SUGCT: variants seen among roughly 807,000 people sequenced by gnomAD.
SUGCT encodes the protein succinyl-CoA:glutarate-CoA transferase.
In SUGCT, 41 loss-of-function variants were observed where a neutral mutation model predicts 55.0. That is an observed-to-expected ratio of 0.74 (90% CI 0.58 to 0.97). The LOEUF is 0.97. Ranked by LOEUF, SUGCT falls within the 50% of genes least tolerant of loss-of-function variation. SUGCT has a pLI of 0.00. For missense variants in SUGCT, 568 were observed against 547.8 expected (o/e 1.04, Z -0.37); for synonymous variants, 187 against 200.4 (o/e 0.93, Z 0.56).
chr7:40,757,035 C>T (rs1194321987), intron 13 of SUGCT, among the ~76,000 whole-genome samples: 2 of 152,120 alleles, frequency 1.3e-5, no homozygotes, highest in East Asian at 1.9e-4. Flanking sequence ...AAATCCTTAA[C>T]CCATGGCAGG....
chr7:41,016,406 G>A, the SUGCT span, among the ~76,000 whole-genome samples: 1 of 151,962 alleles, frequency 6.6e-6, no homozygotes, highest in Non-Finnish European at 1.5e-5. Context: ...CATCCAGGAG[G>A]GACTTGCCAA....
intron 9 of SUGCT, among the ~76,000 whole-genome samples, chr7:40,378,140 C>T (rs1179227953): frequency 6.6e-6 from 1 of 151,610 alleles, no homozygotes; most frequent in Non-Finnish European, 1.5e-5. Flanking sequence ...AAAGATGGTA[C>T]ATTTGGCTGT....
chr7:40,281,157 T>C (rs1026486329), intron 8 of SUGCT, among the ~76,000 whole-genome samples: 5 of 152,348 alleles, frequency 3.3e-5, no homozygotes, highest in Middle Eastern at 3.4e-3. Flanking sequence ...TGTGTACCCC[T>C]AAAGTCTTGT....
At chr7:40,247,400 C>T (rs979808980) in intron 7 of SUGCT, among the ~76,000 whole-genome samples, 4 of 152,096 alleles carry the variant, frequency 2.6e-5, no homozygotes, top group Admixed American at 6.6e-5. Context: ...GGATCACAGG[C>T]ACCCACCACC....
Position 40,519,629 on chromosome 7 carries a change from C to G in SUGCT, c.1089+23243C>G, listed in dbSNP as rs147032460. On this transcript the variant is annotated intron_variant, in intron 12 of 13. Coordinates refer to ENST00000335693, the MANE Select transcript of SUGCT (RefSeq NM_001193313.2). ...TTGACATTATATGTCTGAATTAAAT[C>G]TCTGAAATAAATTGCCAGGAGAATA... Among the ~76,000 whole-genome samples, 470 of 151,948 alleles carry G rather than the reference C, an allele frequency of 3.1e-3. 7 individuals carry two copies. The highest frequency in any genetic ancestry group is 0.03 in the East Asian group (154 of 5,176).
chr7:40,929,151 C>A, the SUGCT span, among the ~76,000 whole-genome samples: 1 of 151,968 alleles, frequency 6.6e-6, no homozygotes, highest in African/African-American at 2.4e-5. Context: ...TCAATTCCCA[C>A]CTATGAGTGA....
In SUGCT at chr7:40,518,782, G is replaced by A. The variant is rs116004109; in HGVS notation, c.1089+22396G>A. The stretch of plus-strand genomic sequence containing the variant: ...GTGCCAGAAAAGTCAAAAATATATA[G>A]GAGCTAACCAAAAAGAACTCCCAAT... On this transcript the variant is annotated intron_variant, in intron 12 of 13. Coordinates refer to ENST00000335693, the MANE Select transcript of SUGCT (RefSeq NM_001193313.2). Among the ~76,000 whole-genome samples, 272 of 151,862 alleles carry A rather than the reference G, an allele frequency of 1.8e-3. 1 individual carries two copies. Among genetic ancestry groups the A allele is most frequent in the African/African-American group, 6.4e-3 (266 of 41,458 alleles).
At chr7:40,161,021 C>T (rs747743022) in intron 1 of SUGCT, among the ~76,000 whole-genome samples, 10 of 152,072 alleles carry the variant, frequency 6.6e-5, no homozygotes, top group Admixed American at 3.9e-4. Context: ...ATGAATATGG[C>T]TAGGCCACTT....
intron 12 of SUGCT, among the ~76,000 whole-genome samples, chr7:40,542,481 CTCAGCCTTACACTAGGTATGGATTTAAT>C (rs1204124214): frequency 6.6e-6 from 1 of 152,182 alleles, no homozygotes; most frequent in African/African-American, 2.4e-5. Flanking sequence ...GTAGTGAAAA[CTCAGCCTTACACTAGGTATGGATTTAAT>C]TATCCCATAG....
At chr7:40,664,454 A>G (rs1801500332) in intron 12 of SUGCT, among the ~76,000 whole-genome samples, 1 of 152,178 alleles carries the variant, frequency 6.6e-6, no homozygotes, top group Non-Finnish European at 1.5e-5. Context: ...TCATAATGCC[A>G]GGAGCATAAC....
the SUGCT span, among the ~76,000 whole-genome samples, chr7:41,007,549 C>A: frequency 6.6e-6 from 1 of 152,176 alleles, no homozygotes; most frequent in Non-Finnish European, 1.5e-5. Context: ...GGCACTTCAT[C>A]TAATTTCTCT....
chr7:40,537,926 A>C (rs1342869824), intron 12 of SUGCT, among the ~76,000 whole-genome samples: 1 of 152,142 alleles, frequency 6.6e-6, no homozygotes, highest in Non-Finnish European at 1.5e-5. Flanking sequence ...ATTGAGAATC[A>C]TTTCAGTGTA....
the SUGCT span, among the ~76,000 whole-genome samples, chr7:41,008,104 G>A: frequency 5.3e-5 from 8 of 152,184 alleles, no homozygotes; most frequent in Non-Finnish European, 1.0e-4. Context: ...TCCCCCTCCC[G>A]TAGACCCAGC....
At chr7:40,155,367 G>GA (rs769265570) in intron 1 of SUGCT, among the ~76,000 whole-genome samples, 132 of 139,454 alleles carry the variant, frequency 9.5e-4, no homozygotes, top group Non-Finnish European at 5.0e-4. Flanking sequence ...TTCTTCCAGT[G>GA]AAAAAAAAAA....
intron 9 of SUGCT, among the ~76,000 whole-genome samples, chr7:40,419,023 G>A (rs1357449302): frequency 6.6e-6 from 1 of 151,992 alleles, no homozygotes; most frequent in Non-Finnish European, 1.5e-5. Context: ...AAATTGTGAT[G>A]GCATTAAATA....
chr7:40,562,203 G>T (rs995802178), intron 12 of SUGCT, among the ~76,000 whole-genome samples: 1 of 151,742 alleles, frequency 6.6e-6, no homozygotes, highest in Non-Finnish European at 1.5e-5. Context: ...GGAGGCTGAG[G>T]CAGGAGAATG....
chr7:41,032,650 G>A, the SUGCT span, among the ~76,000 whole-genome samples: 11 of 152,178 alleles, frequency 7.2e-5, no homozygotes, highest in Non-Finnish European at 1.2e-4. Flanking sequence ...AGCCACAGGA[G>A]ACTAATTTGT....
intron 13 of SUGCT, among the ~76,000 whole-genome samples, chr7:40,831,323 C>T (rs769850870): frequency 2.0e-5 from 3 of 152,176 alleles, no homozygotes; most frequent in Non-Finnish European, 1.5e-5. Flanking sequence ...TTCACCTTCT[C>T]CTCATTGCTT....
the SUGCT span, among the ~76,000 whole-genome samples, chr7:40,883,642 G>T: frequency 2.0e-5 from 3 of 152,204 alleles, no homozygotes; most frequent in Non-Finnish European, 4.4e-5. Flanking sequence ...AATGTTGGCT[G>T]CTATAATTGT....
Sources: allele counts gnomAD v4.1 joint callset (sites outside exome capture counted in the v4.1 genomes callset), GRCh38; gene constraint gnomAD v4.1.1; transcripts MANE v1.5; gene names NCBI Gene and HGNC (gene_info 2026-07-23, HGNC 2026-07-21).